Variants in AFF1 observed in about 807,000 individuals in gnomAD.
AFF1 encodes the protein AF4/FMR2 family member 1.
Under a neutral mutation model 121.7 loss-of-function variants are expected in AFF1, and 48 were observed. The ratio of observed to expected loss-of-function variants is 0.39; its 90% CI spans 0.31 to 0.50. The LOEUF (loss-of-function observed/expected upper bound fraction) is 0.50, where lower values mean the gene tolerates loss of function less well. Ranked by LOEUF, AFF1 falls within the 20% of genes least tolerant of loss-of-function variation. The probability of loss-of-function intolerance (pLI) is 0.76; values close to 1 mark genes in which losing one functional copy is unlikely to be tolerated. For synonymous variants in AFF1, 613 were observed against 563.0 expected (o/e 1.09, Z -1.26); for missense variants, 1,523 against 1,511.7 (o/e 1.01, Z -0.12).
intron 2 of AFF1, chr4:87,036,670 T>TA (rs1193650768): frequency 1.2e-5 from 4 of 323,998 alleles, no homozygotes; most frequent in Middle Eastern, 4.1e-4. Context: ...ATCTGTAAGG[T>TA]AAAAAATACC....
chr4:86,938,346 A>C (rs1000950802), intron 1 of AFF1, among the ~76,000 whole-genome samples: 1 of 150,736 alleles, frequency 6.6e-6, no homozygotes, highest in African/African-American at 2.4e-5. Context: ...CTTCCTCGGG[A>C]GGCTAAGGCA....
intron 2 of AFF1, among the ~76,000 whole-genome samples, chr4:87,044,105 T>C (rs1349327820): frequency 6.6e-6 from 1 of 152,170 alleles, no homozygotes; most frequent in East Asian, 1.9e-4. Flanking sequence ...TGTGAGCCAC[T>C]GCGCCTGGCC....
At chr4:87,032,843 C>G (rs1209360941) in intron 2 of AFF1, among the ~76,000 whole-genome samples, 1 of 152,042 alleles carries the variant, frequency 6.6e-6, no homozygotes, top group Non-Finnish European at 1.5e-5. Context: ...TTCCTGTGTA[C>G]TCAGTTCAAC....
At chr4:87,008,182 G>C (rs1417218413) in intron 2 of AFF1, among the ~76,000 whole-genome samples, 1 of 152,180 alleles carries the variant, frequency 6.6e-6, no homozygotes, top group Non-Finnish European at 1.5e-5. Flanking sequence ...GGGAGACTTA[G>C]GAGTTATATA....
At chr4:87,055,573 C>G (rs748777249) in intron 4 of AFF1, among the ~76,000 whole-genome samples, 8 of 152,136 alleles carry the variant, frequency 5.3e-5, no homozygotes, top group Non-Finnish European at 1.2e-4. Flanking sequence ...TTTGAATCTT[C>G]CCAGACTGCA....
chr4:87,041,902 C>G (rs990461535), intron 2 of AFF1, among the ~76,000 whole-genome samples: 4 of 151,676 alleles, frequency 2.6e-5, no homozygotes, highest in Non-Finnish European at 5.9e-5. Context: ...CTAATGCTAT[C>G]TACTCGGGAG....
intron 8 of AFF1, 128 bp downstream of exon 8, chr4:87,095,097 A>T: frequency 1.1e-6 from 1 of 885,126 alleles, no homozygotes; most frequent in Non-Finnish European, 1.8e-6. Context: ...TTCTAAAGGG[A>T]AGAAAGGGCC....
chr4:87,032,217 A>ATT (rs1014931210), intron 2 of AFF1, among the ~76,000 whole-genome samples: 15 of 152,230 alleles, frequency 9.9e-5, no homozygotes, highest in Non-Finnish European at 2.9e-5. Context: ...AAATGAGAAT[A>ATT]TTTAGAAACA....
At chr4:87,022,592 A>AGCTC (rs1728082852) in intron 2 of AFF1, among the ~76,000 whole-genome samples, 1 of 99,846 alleles carries the variant, frequency 1.0e-5, no homozygotes, top group Non-Finnish European at 1.8e-5. Context: ...ATCTATCTAT[A>AGCTC]TCTATCTGTG....
Position 87,127,118 on chromosome 4 carries a change from G to A in AFF1, c.2903+1G>A. 1.3e-6 allele frequency: 2 copies of A among 1,592,094 alleles called. No homozygotes were observed. Among genetic ancestry groups the A allele is most frequent in the Non-Finnish European group, 1.7e-6 (2 of 1,164,174 alleles). On this transcript the variant is annotated splice_donor_variant, in intron 15 of 20. Transcript: ENST00000395146. LOFTEE classifies it high-confidence loss of function. Reference sequence around the variant, plus strand: ...GGAAGCCTCAAGTGAAGTTTGACAAGTAAGACTTCAGATGATTTCTTCTTG... The same window carrying A: ...GGAAGCCTCAAGTGAAGTTTGACAAATAAGACTTCAGATGATTTCTTCTTG...
At chr4:87,120,319 A>G (rs1578294885) in intron 12 of AFF1, among the ~76,000 whole-genome samples, 1 of 152,220 alleles carries the variant, frequency 6.6e-6, no homozygotes, top group African/African-American at 2.4e-5. Flanking sequence ...GAATTTCCCC[A>G]AAGACTGCTT....
chr4:87,074,936 T>C (rs563424978), intron 4 of AFF1, among the ~76,000 whole-genome samples: 13 of 152,328 alleles, frequency 8.5e-5, no homozygotes, highest in African/African-American at 2.9e-4. Flanking sequence ...AGAACTGGAA[T>C]CCTTGGTTTC....
At chr4:87,112,082 T>C (rs1726596412) in intron 11 of AFF1, among the ~76,000 whole-genome samples, 1 of 152,234 alleles carries the variant, frequency 6.6e-6, no homozygotes, top group African/African-American at 2.4e-5. Context: ...ATACCTTTCC[T>C]GAGGAAGGGT....
intron 4 of AFF1, among the ~76,000 whole-genome samples, chr4:87,059,590 C>T (rs1256326151): frequency 6.6e-6 from 1 of 152,122 alleles, no homozygotes; most frequent in African/African-American, 2.4e-5. Flanking sequence ...AAAATCAGAT[C>T]AAGTCGTACT....
chr4:87,089,463 G>A (rs1478657384), intron 5 of AFF1, among the ~76,000 whole-genome samples: 1 of 152,212 alleles, frequency 6.6e-6, no homozygotes, highest in Non-Finnish European at 1.5e-5. Flanking sequence ...CTAATAGTGT[G>A]TATCAGGGAA....
intron 2 of AFF1, among the ~76,000 whole-genome samples, chr4:87,009,123 G>T (rs2149532690): frequency 6.6e-6 from 1 of 152,332 alleles, no homozygotes; most frequent in Non-Finnish European, 1.5e-5. Context: ...AGCTAAATTG[G>T]ACACTGCTGT....
At chr4:87,091,361 C>G (rs1009697159) in intron 6 of AFF1, among the ~76,000 whole-genome samples, 2 of 152,194 alleles carry the variant, frequency 1.3e-5, no homozygotes, top group East Asian at 3.8e-4. Flanking sequence ...CGAGATTGCA[C>G]CACTGCACTC....
chr4:87,052,039 C>T (rs929750918), intron 4 of AFF1, among the ~76,000 whole-genome samples: 1 of 152,090 alleles, frequency 6.6e-6, no homozygotes, highest in Admixed American at 6.5e-5. Context: ...CACAGAGACA[C>T]CTCACATGGA....
chr4:87,061,046 G>A (rs991081518), intron 4 of AFF1, among the ~76,000 whole-genome samples: 2 of 152,106 alleles, frequency 1.3e-5, no homozygotes, highest in Admixed American at 1.3e-4. Context: ...TAAGACAAGG[G>A]AAAACACTGG....
Sources: gnomAD v4.1 joint callset for allele counts (sites outside exome capture counted in the v4.1 genomes callset) on GRCh38, gnomAD v4.1.1 for gene constraint, MANE v1.5 for transcripts, NCBI Gene and HGNC (gene_info 2026-07-23, HGNC 2026-07-21) for gene names.